The following DNM2 variants were observed in gnomAD, a reference collection of about 807,000 sequenced individuals.
DNM2 encodes the protein dynamin-2.
Under a neutral mutation model 99.0 loss-of-function variants are expected in DNM2, and 15 were observed. The ratio of observed to expected loss-of-function variants is 0.15; its 90% CI spans 0.10 to 0.23. The LOEUF (loss-of-function observed/expected upper bound fraction) is 0.23. DNM2 is among the 10% of genes least tolerant of loss of function. DNM2 has a pLI of 1.00. For synonymous variants in DNM2, 525 were observed against 481.2 expected, an observed-to-expected ratio of 1.09 and a Z score of -1.19; for missense variants, 742 against 1,189.4, an observed-to-expected ratio of 0.62 and a Z score of 5.53.
chr19:10,780,511 C>T (rs943472283), intron 5 of DNM2, among the ~76,000 whole-genome samples: 3 of 152,142 alleles, frequency 2.0e-5, no homozygotes, highest in South Asian at 2.1e-4. Context: ...TTTCTAAGAA[C>T]GAAGGCGCTT....
intron 2 of DNM2, among the ~76,000 whole-genome samples, chr19:10,766,720 C>T (rs1397189625): frequency 1.3e-5 from 2 of 152,076 alleles, no homozygotes; most frequent in African/African-American, 2.4e-5. Flanking sequence ...TGGAAAAACC[C>T]GCAAGTACAA....
intron 13 of DNM2, among the ~76,000 whole-genome samples, 192 bp downstream of exon 13, chr19:10,806,159 G>A (rs1174822640): frequency 6.6e-6 from 1 of 152,220 alleles, no homozygotes; most frequent in Non-Finnish European, 1.5e-5. Context: ...CCAACACTCT[G>A]GCAGGGCCTA....
intron 17 of DNM2, 99 bp from the exon 18 acceptor site, chr19:10,824,958 G>C: frequency 6.3e-7 from 1 of 1,592,180 alleles, no homozygotes; most frequent in South Asian, 1.1e-5. Context: ...GCCAGCCTGA[G>C]GTCAGTTATT....
chr19:10,736,828 G>T (rs2145739564), intron 1 of DNM2, among the ~76,000 whole-genome samples: 1 of 152,224 alleles, frequency 6.6e-6, no homozygotes, highest in Middle Eastern at 3.4e-3. Context: ...TGTTCTCCCT[G>T]CAGTGGACAG....
intron 5 of DNM2, 77 bp downstream of exon 5, chr19:10,777,293 C>G: frequency 1.5e-6 from 2 of 1,354,840 alleles, no homozygotes; most frequent in Non-Finnish European, 2.1e-6. Flanking sequence ...GCACCTGTTC[C>G]CTGCCTGCCT....
At chr19:10,745,363 T>C (rs1002550472) in intron 1 of DNM2, among the ~76,000 whole-genome samples, 1 of 152,174 alleles carries the variant, frequency 6.6e-6, no homozygotes, top group Admixed American at 6.6e-5. Flanking sequence ...TGCATTAATA[T>C]GTTTCTGGGT....
intron 1 of DNM2, among the ~76,000 whole-genome samples, chr19:10,738,935 G>A (rs907105056): frequency 1.5e-4 from 23 of 151,098 alleles, no homozygotes; most frequent in Non-Finnish European, 3.2e-4. Flanking sequence ...TTGGGAGGCC[G>A]AGGTGGGCGG....
In DNM2 at chr19:10,822,407, T is replaced by C. The variant is rs574683715; in HGVS notation, c.1782-1381T>C. On this transcript the variant is annotated intron_variant, in intron 16 of 20. Transcript: ENST00000389253. ...GGTGTTGCTGTGTTGCTCAGGCTGGTCTCCAACTCCTGAGCTCAAGCAATC... is the reference window on the plus strand; with the variant it reads ...GGTGTTGCTGTGTTGCTCAGGCTGGCCTCCAACTCCTGAGCTCAAGCAATC... Among the ~76,000 whole-genome samples the C allele has an allele frequency of 1.5e-3, 227 of 151,754 alleles. 6 individuals are homozygous for C. The South Asian group carries it at 0.045, about 30-fold the overall frequency.
intron 1 of DNM2, among the ~76,000 whole-genome samples, chr19:10,727,867 G>A (rs1369565578): frequency 2.0e-5 from 3 of 152,270 alleles, no homozygotes; most frequent in African/African-American, 4.8e-5. Context: ...CATGTAAACC[G>A]TAATTTACTG....
At chr19:10,750,847 GC>G (rs2070167263) in intron 1 of DNM2, among the ~76,000 whole-genome samples, 1 of 151,798 alleles carries the variant, frequency 6.6e-6, no homozygotes, top group South Asian at 2.1e-4. Context: ...GCAGGAGTAA[GC>G]TGAGATTGCG....
intron 1 of DNM2, among the ~76,000 whole-genome samples, chr19:10,753,413 C>G (rs1256573818): frequency 2.2e-5 from 3 of 134,150 alleles, no homozygotes; most frequent in Non-Finnish European, 4.8e-5. Context: ...CCCTTCCCCC[C>G]CCCACTTCCC....
chr19:10,725,315 G>A (rs573653155), intron 1 of DNM2, among the ~76,000 whole-genome samples: 2 of 152,086 alleles, frequency 1.3e-5, no homozygotes, highest in South Asian at 2.1e-4. Context: ...GTGTGGTGGC[G>A]CATGCCTTTA....
chr19:10,831,115 G>T lies in DNM2; in HGVS notation c.*68G>T. ...CGGCGCAGGAGCTTCAGTGGTCTGGGGCCCTCCGCCGCCCCTATGCTGGGA... is the reference window on the plus strand; with the variant it reads ...CGGCGCAGGAGCTTCAGTGGTCTGGTGCCCTCCGCCGCCCCTATGCTGGGA... On this transcript the variant is annotated 3_prime_UTR_variant, in exon 21 of 21. Transcript: ENST00000389253. This position sits in a 1 kb window ranked among gnomAD's most constrained non-coding sequence, Gnocchi z 4.3. 1 of 1,522,690 alleles carries T rather than the reference G, an allele frequency of 6.6e-7. No homozygotes were observed. The highest frequency in any genetic ancestry group is 8.8e-7 in the Non-Finnish European group (1 of 1,134,840). 94.3% of individuals were successfully genotyped at this position (1,522,690 alleles called of 1,614,324 possible).
chr19:10,762,639 C>T (rs187839595), intron 2 of DNM2, among the ~76,000 whole-genome samples: 8 of 152,330 alleles, frequency 5.3e-5, no homozygotes, highest in African/African-American at 9.6e-5. Context: ...CCCGGATGAA[C>T]GATGATGGGT....
intron 1 of DNM2, among the ~76,000 whole-genome samples, chr19:10,720,220 T>TA (rs918726357): frequency 2.7e-4 from 36 of 135,302 alleles, no homozygotes; most frequent in African/African-American, 9.6e-4. Context: ...TTATTTATTT[T>TA]TTTTTTTTTT....
At chr19:10,801,326 A>G (rs2072133099) in intron 11 of DNM2, among the ~76,000 whole-genome samples, 1 of 151,684 alleles carries the variant, frequency 6.6e-6, no homozygotes, top group Admixed American at 6.6e-5. Context: ...GAAAAAGAAA[A>G]AAATACAAGG....
Position 10,805,371 on chromosome 19 carries a change from C to T in DNM2, c.1494-545C>T, listed in dbSNP as rs528961269. ...GGAAGAAGGGCCAGGTGCAGTGGCT[C>T]ATGCCTGTAATGCCAGCACTTTGGG... On this transcript the variant is annotated intron_variant, in intron 12 of 20. Transcript: ENST00000389253. Among the ~76,000 whole-genome samples the T allele has an allele frequency of 5.8e-4, 89 of 152,330 alleles. No homozygotes were observed. The South Asian group carries it at 9.1e-3, about 16-fold the overall frequency.
chr19:10,807,780 C>A (rs1167786824), intron 13 of DNM2, among the ~76,000 whole-genome samples: 1 of 143,100 alleles, frequency 7.0e-6, no homozygotes, highest in African/African-American at 2.6e-5. Flanking sequence ...AACTCCTGAC[C>A]CCAGGTGATC....
chr19:10,800,104 A>G (rs55660036), intron 11 of DNM2, among the ~76,000 whole-genome samples: 55,909 of 151,358 alleles, frequency 0.37, 10,584 homozygotes, highest in East Asian at 0.6. Flanking sequence ...TGATCCACCC[A>G]CCTCAGCCTC....
Sources: allele counts gnomAD v4.1 joint callset (sites outside exome capture counted in the v4.1 genomes callset), GRCh38; gene constraint gnomAD v4.1.1; non-coding constraint Gnocchi (gnomAD v3.1); transcripts MANE v1.5; gene names NCBI Gene and HGNC (gene_info 2026-07-23, HGNC 2026-07-21).